The following SGCZ variants were observed in gnomAD, a reference collection of about 807,000 sequenced individuals.
SGCZ encodes the protein sarcoglycan zeta, also known as zeta-sarcoglycan.
Under a neutral mutation model 41.3 loss-of-function variants are expected in SGCZ, and 40 were observed. The observed-to-expected ratio is 0.97, with a 90% CI of 0.75 to 1.26. SGCZ has a LOEUF of 1.26. Among genes scored for constraint, SGCZ ranks in the 50% most tolerant of loss-of-function variants. The pLI is 0.00. For synonymous variants in SGCZ, 206 were observed against 137.5 expected (o/e 1.50, Z -3.49); for missense variants, 552 against 369.8 (o/e 1.49, Z -4.04).
intron 4 of SGCZ, among the ~76,000 whole-genome samples, chr8:14,214,968 G>C (rs13254982): frequency 0.25 from 38,248 of 151,922 alleles, 5,706 homozygotes; most frequent in Non-Finnish European, 0.34. Context: ...TTAGGGGAAA[G>C]AAAATTAGCA....
chr8:14,174,355 T>C (rs962025341), intron 4 of SGCZ, among the ~76,000 whole-genome samples: 4 of 152,114 alleles, frequency 2.6e-5, no homozygotes, highest in African/African-American at 9.7e-5. Context: ...AACTGATTAT[T>C]TTACAAGGAT....
At chr8:14,210,831 T>C (rs1255409103) in intron 4 of SGCZ, among the ~76,000 whole-genome samples, 1 of 152,182 alleles carries the variant, frequency 6.6e-6, no homozygotes, top group Non-Finnish European at 1.5e-5. Context: ...AGATTGTTCT[T>C]TACAGCAACC....
intron 1 of SGCZ, among the ~76,000 whole-genome samples, chr8:14,933,424 T>C (rs1335746257): frequency 1.0e-5 from 1 of 98,848 alleles, no homozygotes; most frequent in Non-Finnish European, 2.2e-5. Context: ...CCATATACTT[T>C]TTTTTTCTTT....
intron 1 of SGCZ, among the ~76,000 whole-genome samples, chr8:14,811,730 T>A (rs2250963): frequency 0.72 from 109,138 of 151,490 alleles, 40,350 homozygotes; most frequent in African/African-American, 0.89. Flanking sequence ...GCCGTGATCA[T>A]ACAGAAGCAA....
At chr8:14,573,579 A>G (rs78366116) in intron 1 of SGCZ, among the ~76,000 whole-genome samples, 1,525 of 152,176 alleles carry the variant, frequency 0.01, 19 homozygotes, top group South Asian at 0.051. Context: ...TCATCCAAAC[A>G]GTATCTTTCT....
intron 1 of SGCZ, among the ~76,000 whole-genome samples, chr8:14,562,681 C>A (rs1234179936): frequency 6.6e-6 from 1 of 151,876 alleles, no homozygotes; most frequent in African/African-American, 2.4e-5. Flanking sequence ...GAAGTAGAGA[C>A]AGCAAATGTA....
At chr8:14,451,801 A>G (rs1440342398) in intron 2 of SGCZ, among the ~76,000 whole-genome samples, 1 of 152,238 alleles carries the variant, frequency 6.6e-6, no homozygotes, top group Non-Finnish European at 1.5e-5. Context: ...ATCTTATTAG[A>G]ATGGCCAAAG....
At chr8:14,936,901 A>G (rs936412661) in intron 1 of SGCZ, among the ~76,000 whole-genome samples, 1 of 151,922 alleles carries the variant, frequency 6.6e-6, no homozygotes, top group African/African-American at 2.4e-5. Context: ...CTAAAATGAT[A>G]TTTATTAAAC....
intron 4 of SGCZ, among the ~76,000 whole-genome samples, chr8:14,233,149 T>C (rs1184548818): frequency 6.6e-6 from 1 of 152,006 alleles, no homozygotes; most frequent in Admixed American, 6.6e-5. Context: ...TTTTTCCAGT[T>C]TCTGAATTTA....
chr8:15,140,904 T>C (rs1045449244), intron 1 of SGCZ, among the ~76,000 whole-genome samples: 3 of 152,196 alleles, frequency 2.0e-5, no homozygotes, highest in Non-Finnish European at 4.4e-5. Flanking sequence ...CAGTGACAAG[T>C]TGTGTATACT....
chr8:14,301,087 C>CATCATA (rs1801170042), intron 3 of SGCZ, among the ~76,000 whole-genome samples: 1 of 151,842 alleles, frequency 6.6e-6, no homozygotes, highest in Non-Finnish European at 1.5e-5. Context: ...TCATCATCAT[C>CATCATA]ATCATCATCA....
At chr8:14,685,148 TAAAG>T (rs1272066934) in intron 1 of SGCZ, among the ~76,000 whole-genome samples, 1 of 152,136 alleles carries the variant, frequency 6.6e-6, no homozygotes, top group Non-Finnish European at 1.5e-5. Flanking sequence ...TTAATACTGA[TAAAG>T]AAGGAAAATT....
intron 1 of SGCZ, among the ~76,000 whole-genome samples, chr8:15,076,589 C>T (rs1254386334): frequency 6.6e-6 from 1 of 152,102 alleles, no homozygotes; most frequent in Non-Finnish European, 1.5e-5. Context: ...TTTACCACAT[C>T]GGACTCTAGG....
At chr8:14,333,853 C>G (rs746001315) in intron 2 of SGCZ, among the ~76,000 whole-genome samples, 5 of 152,010 alleles carry the variant, frequency 3.3e-5, no homozygotes, top group Non-Finnish European at 5.9e-5. Context: ...AGCATGGAGT[C>G]TCAAAAATAG....
chr8:14,282,443 C>A (rs968583357), intron 3 of SGCZ, among the ~76,000 whole-genome samples: 3 of 152,136 alleles, frequency 2.0e-5, no homozygotes, highest in African/African-American at 7.2e-5. Context: ...TCCCACTGTG[C>A]CTCCTATTCA....
chr8:14,580,737 A>G (rs1804860275), intron 1 of SGCZ, among the ~76,000 whole-genome samples: 1 of 152,220 alleles, frequency 6.6e-6, no homozygotes, highest in African/African-American at 2.4e-5. Context: ...GAAATGCTTT[A>G]ACCAAGCTGT....
chr8:14,474,074 G>A (rs531666908), intron 2 of SGCZ, among the ~76,000 whole-genome samples: 1 of 152,104 alleles, frequency 6.6e-6, no homozygotes, highest in Non-Finnish European at 1.5e-5. Flanking sequence ...GAAAGAAGAA[G>A]TCTCTTGTCA....
intron 2 of SGCZ, among the ~76,000 whole-genome samples, chr8:14,343,720 G>C (rs1404327344): frequency 2.0e-5 from 3 of 152,130 alleles, no homozygotes; most frequent in Non-Finnish European, 4.4e-5. Context: ...CACAATATCT[G>C]AATCACAGTG....
chr8:14,837,359 A>G (rs143751715), intron 1 of SGCZ, among the ~76,000 whole-genome samples: 1 of 152,352 alleles, frequency 6.6e-6, no homozygotes, highest in Non-Finnish European at 1.5e-5. Context: ...ATTCTACGAG[A>G]AAACATTCTT....
Sources: allele counts gnomAD v4.1 joint callset (sites outside exome capture counted in the v4.1 genomes callset), GRCh38; gene constraint gnomAD v4.1.1; transcripts MANE v1.5; gene names NCBI Gene and HGNC (gene_info 2026-07-23, HGNC 2026-07-21).